The following CERS6 variants were observed in gnomAD, a reference collection of about 807,000 sequenced individuals.
The protein encoded by CERS6 is ceramide synthase 6.
CERS6 carries 26 observed loss-of-function variants against 56.8 expected under a neutral mutation model. The ratio of observed to expected loss-of-function variants is 0.46; its 90% CI spans 0.34 to 0.63. CERS6 has a LOEUF of 0.63. Among genes scored for constraint, CERS6 ranks in the 30% least tolerant of loss-of-function variants. The probability of loss-of-function intolerance (pLI) is 0.01; values close to 1 mark genes in which losing one functional copy is unlikely to be tolerated. For missense variants in CERS6, 415 were observed against 467.5 expected (o/e 0.89, Z 1.04); for synonymous variants, 164 against 173.3 (o/e 0.95, Z 0.42).
intron 1 of CERS6, among the ~76,000 whole-genome samples, chr2:168,497,124 GATC>G (rs1694486763): frequency 6.6e-6 from 1 of 152,152 alleles, no homozygotes; most frequent in African/African-American, 2.4e-5. Context: ...GCCTGGAAAG[GATC>G]ACTCTGAAAG....
At chr2:168,697,000 T>G (rs1686667963) in intron 6 of CERS6, among the ~76,000 whole-genome samples, 1 of 152,174 alleles carries the variant, frequency 6.6e-6, no homozygotes, top group South Asian at 2.1e-4. Context: ...TATCATTTCT[T>G]GGTTAAATCA....
chr2:168,744,602 A>G (rs566192225), intron 8 of CERS6, among the ~76,000 whole-genome samples: 2 of 152,338 alleles, frequency 1.3e-5, no homozygotes, highest in South Asian at 2.1e-4. Flanking sequence ...GGCAACCTCA[A>G]AAGTTAAGGA....
intron 8 of CERS6, among the ~76,000 whole-genome samples, chr2:168,743,995 C>CT (rs58256507): frequency 0.06 from 3,817 of 63,384 alleles, 219 homozygotes; most frequent in African/African-American, 0.13. Flanking sequence ...TCTTTTTTTT[C>CT]TTTTTTTTTT....
chr2:168,474,564 C>T (rs1574006775), intron 1 of CERS6, among the ~76,000 whole-genome samples: 2 of 152,124 alleles, frequency 1.3e-5, no homozygotes, highest in East Asian at 1.9e-4. Context: ...ACTATTTTAA[C>T]ATGATGACTT....
intron 8 of CERS6, among the ~76,000 whole-genome samples, chr2:168,752,446 G>A (rs551204112): frequency 2.6e-5 from 4 of 152,268 alleles, no homozygotes; most frequent in African/African-American, 7.2e-5. Context: ...ATGGCAAAAT[G>A]TGCTGCTGAT....
At chr2:168,714,819 A>G (rs1000846114) in intron 6 of CERS6, among the ~76,000 whole-genome samples, 182 bp from the exon 7 acceptor site, 1 of 152,232 alleles carries the variant, frequency 6.6e-6, no homozygotes, top group East Asian at 1.9e-4. Flanking sequence ...CTGATCTCCT[A>G]TGTGTCTCTC....
chr2:168,736,510 T>G (rs1683722025), intron 8 of CERS6, among the ~76,000 whole-genome samples: 1 of 151,734 alleles, frequency 6.6e-6, no homozygotes, highest in Non-Finnish European at 1.5e-5. Flanking sequence ...AAAAAATGTT[T>G]TGTAGCAACA....
At chr2:168,676,931 T>C (rs939959005) in intron 4 of CERS6, among the ~76,000 whole-genome samples, 9 of 152,040 alleles carry the variant, frequency 5.9e-5, no homozygotes, top group Non-Finnish European at 1.2e-4. Context: ...GAGTAGAGTT[T>C]GGTGCCACTG....
At chr2:168,631,659 A>G (rs1684738887) in intron 4 of CERS6, among the ~76,000 whole-genome samples, 1 of 22,930 alleles carries the variant, frequency 4.4e-5, no homozygotes, top group Non-Finnish European at 9.4e-5. Flanking sequence ...TATATTATAT[A>G]TAACATTTTA....
At chr2:168,668,383 T>C (rs541570312) in intron 4 of CERS6, among the ~76,000 whole-genome samples, 3 of 151,758 alleles carry the variant, frequency 2.0e-5, no homozygotes, top group Admixed American at 2.0e-4. Flanking sequence ...CAGCATGTCC[T>C]AAGGAGTCCT....
chr2:168,496,585 G>A (rs1694475600), intron 1 of CERS6, among the ~76,000 whole-genome samples: 1 of 152,168 alleles, frequency 6.6e-6, no homozygotes, highest in African/African-American at 2.4e-5. Flanking sequence ...TTGATAGTGA[G>A]CACAACACTT....
At chr2:168,687,410 G>A (rs940179403) in intron 4 of CERS6, among the ~76,000 whole-genome samples, 5 of 152,148 alleles carry the variant, frequency 3.3e-5, no homozygotes, top group East Asian at 3.8e-4. Context: ...AGTGTGGTCC[G>A]TGGCCTAATA....
intron 4 of CERS6, among the ~76,000 whole-genome samples, chr2:168,665,786 G>A (rs549879765): frequency 1.3e-5 from 2 of 152,250 alleles, no homozygotes; most frequent in East Asian, 3.9e-4. Context: ...TATGCAACTA[G>A]TAAGTGAACG....
At chr2:168,470,085 C>T (rs1392036410) in intron 1 of CERS6, among the ~76,000 whole-genome samples, 20 of 151,928 alleles carry the variant, frequency 1.3e-4, no homozygotes, top group Admixed American at 1.3e-3. Flanking sequence ...GACTGCTCAG[C>T]CTATTAAACC....
chr2:168,690,953 G>A (rs1004044103), intron 4 of CERS6, 81 bp from the exon 5 acceptor site: 2 of 1,258,048 alleles, frequency 1.6e-6, no homozygotes, highest in Non-Finnish European at 2.3e-6. Context: ...AAAATATTAG[G>A]GCAAGAGCCT....
chr2:168,659,958 T>G (rs1685586093), intron 4 of CERS6, among the ~76,000 whole-genome samples: 1 of 152,220 alleles, frequency 6.6e-6, no homozygotes, highest in Non-Finnish European at 1.5e-5. Flanking sequence ...ACAGATTATT[T>G]TATACTAAAG....
intron 4 of CERS6, among the ~76,000 whole-genome samples, chr2:168,689,334 C>T (rs1001967855): frequency 6.6e-6 from 1 of 152,116 alleles, no homozygotes; most frequent in Non-Finnish European, 1.5e-5. Flanking sequence ...GTTGTACCCA[C>T]ATTTTTTAAA....
At chr2:168,725,524 G>T (rs1055577016) in intron 8 of CERS6, among the ~76,000 whole-genome samples, 4 of 152,266 alleles carry the variant, frequency 2.6e-5, no homozygotes, top group Non-Finnish European at 5.9e-5. Flanking sequence ...GAATCAGATA[G>T]TTTCACTGTT....
intron 3 of CERS6, among the ~76,000 whole-genome samples, chr2:168,572,495 T>C (rs1696007819): frequency 1.3e-5 from 2 of 151,730 alleles, no homozygotes; most frequent in Admixed American, 6.6e-5. Flanking sequence ...TGAAGCACAA[T>C]GTTAGAGAAA....
Sources: gnomAD v4.1 joint callset for allele counts (sites outside exome capture counted in the v4.1 genomes callset) on GRCh38, gnomAD v4.1.1 for gene constraint, MANE v1.5 for transcripts, NCBI Gene and HGNC (gene_info 2026-07-23, HGNC 2026-07-21) for gene names.